The following DOCK4 variants were observed in gnomAD, a reference collection of about 807,000 sequenced individuals.
DOCK4 encodes the protein dedicator of cytokinesis 4.
Under a neutral mutation model 268.1 loss-of-function variants are expected in DOCK4, and 97 were observed. The observed-to-expected ratio is 0.36, with a 90% CI of 0.31 to 0.43. DOCK4 has a LOEUF of 0.43. Among genes scored for constraint, DOCK4 ranks in the 20% least tolerant of loss-of-function variants. The pLI is 1.00. For synonymous variants in DOCK4, 954 were observed against 887.2 expected (o/e 1.08, Z -1.34); for missense variants, 2,145 against 2,455.7 (o/e 0.87, Z 2.67).
intron 1 of DOCK4, among the ~76,000 whole-genome samples, chr7:112,044,613 C>A (rs764771283): frequency 5.3e-5 from 8 of 152,130 alleles, no homozygotes; most frequent in Non-Finnish European, 8.8e-5. Context: ...GGTCTAAAAT[C>A]AAGTTCTTCC....
intron 24 of DOCK4, 25 bp downstream of exon 24, chr7:111,846,974 T>C: frequency 1.9e-6 from 3 of 1,611,484 alleles, no homozygotes; most frequent in Non-Finnish European, 2.5e-6. Flanking sequence ...AAGGGAGCTA[T>C]ATACTATGAC....
intron 1 of DOCK4, among the ~76,000 whole-genome samples, chr7:112,204,603 G>A (rs1021299367): frequency 1.3e-5 from 2 of 152,170 alleles, no homozygotes; most frequent in Non-Finnish European, 2.9e-5. Context: ...CTTTCCCAAA[G>A]GTGGGTTCAG....
In DOCK4 at chr7:111,891,789, G is replaced by C. The variant is rs139029787; in HGVS notation, c.1587+3823C>G. On this transcript the variant is annotated intron_variant, in intron 16 of 52. Coordinates refer to ENST00000428084, the MANE Select transcript of DOCK4 (RefSeq NM_001363540.2). ...TCTCTGCCAATCTGATAGGCAAAAA[G>C]GTTTCAAATTTTTTAACTTAAACGG... 9.5e-3 allele frequency among the ~76,000 whole-genome samples: 1,438 copies of C among 152,124 alleles called. 21 individuals are homozygous for C. The highest frequency in any genetic ancestry group is 0.033 in the African/African-American group (1,383 of 41,476).
At chr7:111,839,991 C>A (rs1421700198) in intron 25 of DOCK4, among the ~76,000 whole-genome samples, 1 of 151,964 alleles carries the variant, frequency 6.6e-6, no homozygotes, top group Non-Finnish European at 1.5e-5. Flanking sequence ...AAATCCTAGA[C>A]TCATAATTTA....
chr7:111,868,095 A>G lies in DOCK4; in HGVS notation c.2169T>C (p.Thr723=), dbSNP rs1806123116. 6.2e-7 allele frequency: 1 copy of G among 1,613,550 alleles called. No homozygotes were observed. The highest frequency in any genetic ancestry group is 1.1e-5 in the South Asian group (1 of 91,010). ...GGAACTCCTCTTCGTTTTGCCCACCAGTGGCAAGGGAAAACAGCCTTCGAG... is the reference window on the plus strand; with the variant it reads ...GGAACTCCTCTTCGTTTTGCCCACCGGTGGCAAGGGAAAACAGCCTTCGAG... ...VQSRRLFSLA[T]GGQNEEEFRC... Residue 723 remains threonine, a synonymous_variant, in exon 22 of 53, where the codon ACT becomes ACC. Transcript: ENST00000428084.
chr7:111,745,842 A>G, intron 44 of DOCK4, among the ~76,000 whole-genome samples: 1 of 151,890 alleles, frequency 6.6e-6, no homozygotes, highest in East Asian at 1.9e-4. Flanking sequence ...AATCCTCCAA[A>G]ATTTGAAGCC....
At position 111,788,759 on chromosome 7, in the gene DOCK4, C is replaced by G. The variant is rs1243531068; in HGVS notation, c.3316-12G>C. 3 of 1,573,606 alleles carry G rather than the reference C, an allele frequency of 1.9e-6. No homozygotes were observed. Among genetic ancestry groups the G allele is most frequent in the Admixed American group, 3.7e-5 (2 of 54,572 alleles). On this transcript the variant is annotated splice_polypyrimidine_tract_variant and intron_variant, in intron 31 of 52. Coordinates refer to ENST00000428084, the MANE Select transcript of DOCK4 (RefSeq NM_001363540.2). ...AGCTTGGCTTCCACCTGAAACATAC[C>G]CAACTATTATTCTCTTTCCTCCCCT...
intron 4 of DOCK4, 78 bp from the exon 5 acceptor site, chr7:111,994,309 C>G (rs1005627604): frequency 1.1e-6 from 1 of 936,432 alleles, no homozygotes; most frequent in Non-Finnish European, 1.6e-6. Context: ...TAAAAGATAA[C>G]TAGAAAAGAA....
chr7:112,128,407 C>T (rs929239623), intron 1 of DOCK4, among the ~76,000 whole-genome samples: 6 of 152,190 alleles, frequency 3.9e-5, no homozygotes, highest in Non-Finnish European at 8.8e-5. Flanking sequence ...ACCACCCCGT[C>T]TGGGAGGTGT....
chr7:111,763,296 A>G (rs1414649065), intron 39 of DOCK4, among the ~76,000 whole-genome samples: 1 of 152,152 alleles, frequency 6.6e-6, no homozygotes, highest in Non-Finnish European at 1.5e-5. Context: ...TTTTAAATCC[A>G]AGACCAGACT....
At chr7:111,840,936 C>A (rs1171558450) in intron 25 of DOCK4, 2 of 881,590 alleles carry the variant, frequency 2.3e-6, no homozygotes, top group South Asian at 1.4e-5. Context: ...TTGTGAAAGA[C>A]AAGACCAGGG....
At chr7:112,111,298 G>A (rs1003661559) in intron 1 of DOCK4, among the ~76,000 whole-genome samples, 4 of 152,134 alleles carry the variant, frequency 2.6e-5, no homozygotes, top group Admixed American at 1.3e-4. Flanking sequence ...AGGATGCTAG[G>A]GGTATGACCC....
At chr7:111,886,925 A>C (rs750481281) in intron 16 of DOCK4, among the ~76,000 whole-genome samples, 1 of 152,304 alleles carries the variant, frequency 6.6e-6, no homozygotes, top group Non-Finnish European at 1.5e-5. Context: ...TAAATTTAAA[A>C]TATCTTTAAA....
At chr7:111,964,579 T>C (rs1335597164) in intron 8 of DOCK4, among the ~76,000 whole-genome samples, 3 of 135,840 alleles carry the variant, frequency 2.2e-5, no homozygotes, top group African/African-American at 9.0e-5. Context: ...CTACATCTGA[T>C]TGGTGTACCT....
chr7:111,733,511 C>T (rs186508658), intron 51 of DOCK4, among the ~76,000 whole-genome samples: 3 of 152,306 alleles, frequency 2.0e-5, no homozygotes, highest in Admixed American at 1.3e-4. Context: ...AAGAAAATCA[C>T]ATCTGTATGG....
intron 3 of DOCK4, 79 bp from the exon 4 acceptor site, chr7:111,998,582 G>T: frequency 9.4e-7 from 1 of 1,069,404 alleles, no homozygotes; most frequent in Non-Finnish European, 1.3e-6. Context: ...ATAAAACACA[G>T]CCATACAACC....
At chr7:111,954,012 C>CAAAGCTGGAATTCAAAGAATTCAAAT (rs2134906282) in intron 8 of DOCK4, among the ~76,000 whole-genome samples, 1 of 152,310 alleles carries the variant, frequency 6.6e-6, no homozygotes, top group South Asian at 2.1e-4. Context: ...TCAAAGCCAC[C>CAAAGCTGGAATTCAAAGAATTCAAAT]TCTTTGAGAA....
rs1187457648 is a variant in DOCK4 at position 111,784,079 on chromosome 7, T to C, written c.3428+18A>G. On this transcript the variant is annotated intron_variant, in intron 33 of 52. Transcript: ENST00000428084. ...TGCAACATCTCACAAGTAGCACAAT[T>C]TGCAAACAATGTCTTACCTAGGATA... 6.3e-7 allele frequency: 1 copy of C among 1,580,564 alleles called. No individual in the cohort carries two copies. Among genetic ancestry groups the C allele is most frequent in the South Asian group, 1.1e-5 (1 of 87,274 alleles).
chr7:111,925,127 A>G (rs141343736), intron 12 of DOCK4, among the ~76,000 whole-genome samples: 23 of 152,348 alleles, frequency 1.5e-4, no homozygotes, highest in African/African-American at 5.1e-4. Flanking sequence ...TTTTACATCT[A>G]TTCCTTCCTA....
Sources: allele counts gnomAD v4.1 joint callset (sites outside exome capture counted in the v4.1 genomes callset), GRCh38; gene constraint gnomAD v4.1.1; transcripts MANE v1.5; gene names NCBI Gene and HGNC (gene_info 2026-07-23, HGNC 2026-07-21).